Variants in CREBRF observed in about 807,000 individuals in gnomAD.
CREBRF encodes CREB3 regulatory factor.
CREBRF carries 5 observed loss-of-function variants against 66.1 expected under a neutral mutation model. The ratio of observed to expected loss-of-function variants is 0.08; its 90% CI spans 0.04 to 0.16. CREBRF has a LOEUF of 0.16. CREBRF is among the 10% of genes least tolerant of loss of function. The pLI is 1.00. For missense variants in CREBRF, 531 were observed against 744.9 expected (o/e 0.71, Z 3.34); for synonymous variants, 229 against 264.4 (o/e 0.87, Z 1.30).
intron 1 of CREBRF, among the ~76,000 whole-genome samples, chr5:173,062,223 C>CT (rs1463118675): frequency 6.6e-6 from 1 of 152,138 alleles, no homozygotes; most frequent in African/African-American, 2.4e-5. Context: ...TTTCTCCTGG[C>CT]TTATTTGTCT....
intron 2 of CREBRF, among the ~76,000 whole-genome samples, chr5:173,082,014 T>TTTTTTTTTTGTTTTTTG (rs1757966065): frequency 8.8e-6 from 1 of 113,784 alleles, no homozygotes; most frequent in Non-Finnish European, 1.9e-5. Context: ...TTTTTTTTTT[T>TTTTTTTTTTGTTTTTTG]TTTTTTTTTT....
chr5:173,081,634 A>G (rs925738231), intron 2 of CREBRF, among the ~76,000 whole-genome samples: 1 of 152,164 alleles, frequency 6.6e-6, no homozygotes, highest in Non-Finnish European at 1.5e-5. Flanking sequence ...TGAAAAGACC[A>G]GCGGCCGGCT....
intron 4 of CREBRF, among the ~76,000 whole-genome samples, chr5:173,098,343 C>T (rs1432725103): frequency 1.3e-5 from 2 of 152,118 alleles, no homozygotes; most frequent in Non-Finnish European, 2.9e-5. Flanking sequence ...CCCGCCACTA[C>T]GCCTGGCTAA....
rs1341654910 is a variant in CREBRF at position 173,123,202 on chromosome 5, G to A, written c.1804G>A (p.Gly602Ser). ...TGAAATCCTCATTAAAGATACTCTC[G>A]GTAAGAAGAATGCGAGATAAATTCA... ...KLEILIKDTLGLPVAGQTSEF... is the reference protein window; with the variant it reads ...KLEILIKDTLSLPVAGQTSEF... Residue 602 changes from glycine to serine, a missense_variant and splice_region_variant, in exon 8 of 9, where the codon GGT (glycine) becomes AGT (serine). Transcript: ENST00000296953. 3 of 1,594,198 alleles carry A rather than the reference G, an allele frequency of 1.9e-6. No homozygotes were observed. The highest frequency in any genetic ancestry group is 1.2e-5 in the South Asian group (1 of 86,604).
At chr5:173,117,766 A>G (rs1303052472) in intron 7 of CREBRF, among the ~76,000 whole-genome samples, 10 of 146,812 alleles carry the variant, frequency 6.8e-5, no homozygotes, top group Non-Finnish European at 1.3e-4. Context: ...GCTGGAGTCC[A>G]GTGGTGCGAT....
At chr5:173,095,450 A>T (rs1192948364) in intron 4 of CREBRF, among the ~76,000 whole-genome samples, 1 of 151,956 alleles carries the variant, frequency 6.6e-6, no homozygotes, top group Non-Finnish European at 1.5e-5. Flanking sequence ...CGGCCTCCCA[A>T]AGTGCTGGGA....
chr5:173,129,626 G>A (rs1023212029), intron 8 of CREBRF, among the ~76,000 whole-genome samples: 1 of 150,730 alleles, frequency 6.6e-6, no homozygotes, highest in Non-Finnish European at 1.5e-5. Flanking sequence ...TCAGGAGACT[G>A]AGGCGAGAGG....
chr5:173,121,646 G>T (rs1181152841), intron 7 of CREBRF, among the ~76,000 whole-genome samples: 1 of 151,998 alleles, frequency 6.6e-6, no homozygotes, highest in East Asian at 1.9e-4. Flanking sequence ...GTTCTGTTTT[G>T]TTTTAAAGCT....
chr5:173,090,580 G>A lies in CREBRF; in HGVS notation c.401G>A (p.Ser134Asn). The A allele has an allele frequency of 2.5e-6, 4 of 1,614,192 alleles. No individual in the cohort carries two copies. The South Asian group carries it at 4.4e-5, about 18-fold the overall frequency. The change falls in exon 4 of 9, where the codon AGT becomes AAT. Residue 134 changes from serine (S) to asparagine (N), a missense_variant. Around this residue, in one of 5 missense-constraint regions of CREBRF, gnomAD observed 133 missense variants for 215.6 expected, o/e 0.62. Coordinates refer to ENST00000296953, the MANE Select transcript of CREBRF (RefSeq NM_153607.3). The surrounding 1 kb of genome is among the most constrained non-coding windows in gnomAD (Gnocchi z 4.5). ...CCTTACCAAGATGAAGAGGTTATAA[G>A]TAAAACTCCAACTTTAGCTCAACTT... is the stretch of plus-strand genomic sequence containing the variant. The part of the protein sequence containing the change: ...SSPYQDEEVI[S>N]KTPTLAQLNS...
chr5:173,090,381 A>G lies in CREBRF; in HGVS notation c.202A>G (p.Ile68Val), dbSNP rs1248190569. ...TCTTTCTTTGGAGGACTGCAAAGAC[A>G]TTGAAAATCTGGAGTCTTTCACAGA... ...NFLSLEDCKD[I>V]ENLESFTDVL... The change falls in exon 4 of 9, where the codon ATT becomes GTT. Residue 68 changes from isoleucine (I) to valine (V), a missense_variant. This residue lies in a region of CREBRF where 133 missense variants were observed against 215.6 expected (regional missense o/e 0.62). Coordinates refer to ENST00000296953, the MANE Select transcript of CREBRF (RefSeq NM_153607.3). The surrounding 1 kb of genome is among the most constrained non-coding windows in gnomAD (Gnocchi z 4.5). 1.1e-5 allele frequency: 18 copies of G among 1,613,228 alleles called. No homozygotes were observed. In the Admixed American group the frequency reaches 3.0e-4, roughly 27 times the overall value.
At chr5:173,058,246 G>A (rs1025499902) in intron 1 of CREBRF, among the ~76,000 whole-genome samples, 2 of 151,968 alleles carry the variant, frequency 1.3e-5, no homozygotes, top group Non-Finnish European at 2.9e-5. Flanking sequence ...CATCCTTTTG[G>A]CCTTGTTAAA....
intron 1 of CREBRF, among the ~76,000 whole-genome samples, chr5:173,072,152 G>T (rs1581662558): frequency 6.6e-6 from 1 of 152,012 alleles, no homozygotes; most frequent in East Asian, 1.9e-4. Context: ...CTGTTGCCCA[G>T]GCTGAAGTGC....
chr5:173,065,668 CT>C (rs745391126), intron 1 of CREBRF, among the ~76,000 whole-genome samples: 79 of 127,078 alleles, frequency 6.2e-4, no homozygotes, highest in Admixed American at 1.4e-3. Flanking sequence ...TCTTCTTCTT[CT>C]TTTTTTTTTT....
chr5:173,132,087 T>A (rs1581055388), intron 8 of CREBRF, among the ~76,000 whole-genome samples: 1 of 40,280 alleles, frequency 2.5e-5, no homozygotes, highest in Non-Finnish European at 8.6e-5. Context: ...ATATATTTCT[T>A]TTTTTTTTTT....
intron 2 of CREBRF, among the ~76,000 whole-genome samples, chr5:173,081,365 G>A (rs528636980): frequency 6.6e-6 from 1 of 152,214 alleles, no homozygotes; most frequent in South Asian, 2.1e-4. Context: ...GAGACAATCA[G>A]TGAAGCCCTG....
intron 4 of CREBRF, among the ~76,000 whole-genome samples, chr5:173,099,002 C>T (rs1045760727): frequency 8.5e-5 from 13 of 152,074 alleles, no homozygotes; most frequent in African/African-American, 2.9e-4. Context: ...GCTTCAGCCT[C>T]CTGAGTAGCT....
chr5:173,061,997 C>T (rs1307000693), intron 1 of CREBRF, among the ~76,000 whole-genome samples: 1 of 152,112 alleles, frequency 6.6e-6, no homozygotes, highest in East Asian at 1.9e-4. Flanking sequence ...AACATGTGGC[C>T]TGCAATCTTG....
At chr5:173,101,592 G>T (rs1043981461) in intron 4 of CREBRF, among the ~76,000 whole-genome samples, 2 of 150,214 alleles carry the variant, frequency 1.3e-5, no homozygotes, top group African/African-American at 4.9e-5. Flanking sequence ...CCACTCTGTC[G>T]CCCAGGCTGG....
chr5:173,121,278 C>T (rs947351178), intron 7 of CREBRF, among the ~76,000 whole-genome samples: 11 of 151,392 alleles, frequency 7.3e-5, no homozygotes, highest in Non-Finnish European at 1.5e-4. Context: ...CTGTTACATA[C>T]ATTTCTGCTC....
Sources: allele counts gnomAD v4.1 joint callset (sites outside exome capture counted in the v4.1 genomes callset), GRCh38; gene constraint gnomAD v4.1.1; regional missense constraint gnomAD v4.1.1; non-coding constraint Gnocchi (gnomAD v3.1); transcripts MANE v1.5; gene names NCBI Gene and HGNC (gene_info 2026-07-23, HGNC 2026-07-21).